The following RAI1 variants were observed in gnomAD, a reference collection of about 807,000 sequenced individuals.
RAI1 encodes the protein retinoic acid-induced protein 1.
Under a neutral mutation model 123.8 loss-of-function variants are expected in RAI1, and 9 were observed. The ratio of observed to expected loss-of-function variants is 0.07; its 90% CI spans 0.04 to 0.13. The LOEUF (loss-of-function observed/expected upper bound fraction) is 0.13, where lower values mean the gene tolerates loss of function less well. Among genes scored for constraint, RAI1 ranks in the 10% least tolerant of loss-of-function variants. The pLI is 1.00. For missense variants in RAI1, 2,256 were observed against 2,545.8 expected, an observed-to-expected ratio of 0.89 and a Z score of 2.45; for synonymous variants, 1,231 against 1,127.3, an observed-to-expected ratio of 1.09 and a Z score of -1.84.
chr17:17,773,390 T>G (rs535084681), intron 2 of RAI1, among the ~76,000 whole-genome samples: 1 of 152,242 alleles, frequency 6.6e-6, no homozygotes, highest in South Asian at 2.1e-4. Flanking sequence ...GCCCAAGGGC[T>G]CCCTTCTTCA....
Position 17,795,340 on chromosome 17 carries a change from C to A in RAI1, c.2392C>A (p.Pro798Thr), listed in dbSNP as rs148947371. 4 of 1,600,308 alleles carry A rather than the reference C, an allele frequency of 2.5e-6. No individual in the cohort carries two copies. The highest frequency in any genetic ancestry group is 1.3e-5 in the African/African-American group (1 of 74,548). Residue 798 changes from proline (P) to threonine (T), a missense_variant, in exon 3 of 6, where the codon CCC becomes ACC. Around this residue, in one of 7 missense-constraint regions of RAI1, gnomAD observed 566 missense variants for 616.0 expected, o/e 0.92. Coordinates refer to ENST00000353383, the MANE Select transcript of RAI1 (RefSeq NM_030665.4). The surrounding 1 kb of genome is among the most constrained non-coding windows in gnomAD (Gnocchi z 5.9). ...SACLGFQEED[P>T]PGEKVASLPG... Reference sequence around the variant, plus strand: ...CTGCCTGGGCTTCCAGGAGGAGGACCCCCCTGGGGAGAAGGTGGCCTCGTT... The same window carrying A: ...CTGCCTGGGCTTCCAGGAGGAGGACACCCCTGGGGAGAAGGTGGCCTCGTT...
intron 2 of RAI1, among the ~76,000 whole-genome samples, chr17:17,774,169 T>C (rs907311699): frequency 1.5e-4 from 23 of 152,224 alleles, no homozygotes; most frequent in African/African-American, 4.8e-4. Flanking sequence ...CCGAGGATGC[T>C]GATGACAAAG....
intron 3 of RAI1, 62 bp downstream of exon 3, chr17:17,798,575 G>A: frequency 6.3e-7 from 1 of 1,586,612 alleles, no homozygotes. Flanking sequence ...CAGGCAGGCA[G>A]TCGGGGAGCC....
intron 2 of RAI1, among the ~76,000 whole-genome samples, chr17:17,724,604 C>T (rs1206598157): frequency 6.6e-6 from 1 of 151,924 alleles, no homozygotes; most frequent in Non-Finnish European, 1.5e-5. Flanking sequence ...GAGTTCTGTT[C>T]AAGTTCGCAA....
intron 2 of RAI1, among the ~76,000 whole-genome samples, chr17:17,752,887 C>T (rs184043715): frequency 3.2e-4 from 48 of 152,374 alleles, no homozygotes; most frequent in Non-Finnish European, 1.5e-4. Context: ...CCTCATCACA[C>T]GTGTGCCTCA....
chr17:17,684,947 A>C (rs564392516), intron 1 of RAI1: 1 of 152,238 alleles, frequency 6.6e-6, no homozygotes, highest in South Asian at 2.1e-4. Flanking sequence ...CAATCAGGAG[A>C]ATAACAGTAC....
intron 2 of RAI1, among the ~76,000 whole-genome samples, chr17:17,738,790 A>G (rs192184766): frequency 6.6e-6 from 1 of 152,168 alleles, no homozygotes; most frequent in Non-Finnish European, 1.5e-5. Context: ...TCTGGGTGTC[A>G]GTCTTCTCCA....
intron 2 of RAI1, among the ~76,000 whole-genome samples, chr17:17,760,457 G>C (rs1025904071): frequency 1.3e-5 from 2 of 152,160 alleles, no homozygotes; most frequent in African/African-American, 4.8e-5. Flanking sequence ...CAGTGTCCCT[G>C]GCCTGGGAAC....
chr17:17,745,212 A>G (rs1433008742), intron 2 of RAI1, among the ~76,000 whole-genome samples: 1 of 152,102 alleles, frequency 6.6e-6, no homozygotes, highest in Non-Finnish European at 1.5e-5. Context: ...TTTAGGTAGA[A>G]GAAAGGAGAG....
At chr17:17,776,332 A>C (rs1433912184) in intron 2 of RAI1, among the ~76,000 whole-genome samples, 2 of 152,246 alleles carry the variant, frequency 1.3e-5, no homozygotes, top group Non-Finnish European at 2.9e-5. Context: ...CTCATGGTAG[A>C]AAAATTCAAA....
chr17:17,728,301 AGGGGTGG>A (rs1378186716), intron 2 of RAI1, among the ~76,000 whole-genome samples: 1 of 147,812 alleles, frequency 6.8e-6, no homozygotes, highest in East Asian at 2.0e-4. Flanking sequence ...TTCGACAGGG[AGGGGTGG>A]GGTTGAGGGA....
In RAI1 at chr17:17,797,891, C is replaced by T. The variant is rs1388651081; in HGVS notation, c.4943C>T (p.Ser1648Phe). The T allele has an allele frequency of 6.2e-7, 1 of 1,613,878 alleles. No homozygotes were observed. The highest frequency in any genetic ancestry group is 1.3e-5 in the African/African-American group (1 of 74,896). The change falls in exon 3 of 6, where the codon TCC becomes TTC. Residue 1648 changes from serine (S) to phenylalanine (F), a missense_variant. Physicochemically the swap from Ser to Phe is radical, Grantham distance 155. Around this residue, in one of 7 missense-constraint regions of RAI1, gnomAD observed 410 missense variants for 374.6 expected, o/e 1.09. Transcript: ENST00000353383. ...TTCTCCTTGGATGCAGCCGGGGCCTCCCTGGCCACACTCCCTGGAGGCTCC... is the reference window on the plus strand; with the variant it reads ...TTCTCCTTGGATGCAGCCGGGGCCTTCCTGGCCACACTCCCTGGAGGCTCC... ...SSFSLDAAGA[S>F]LATLPGGSIL... is the part of the protein sequence containing the mutation.
At position 17,808,386 on chromosome 17, in the gene RAI1, A is replaced by G. The variant is rs565480653; in HGVS notation, c.5660-1004A>G. Reference sequence around the variant, plus strand: ...TTTATTTTATTTTATATTTTATTTTATTATTTTATTTTATTTTATTTTATT... The same window carrying G: ...TTTATTTTATTTTATATTTTATTTTGTTATTTTATTTTATTTTATTTTATT... On this transcript the variant is annotated intron_variant, in intron 4 of 5. Transcript: ENST00000353383. Among the ~76,000 whole-genome samples the G allele has an allele frequency of 6.3e-3, 823 of 129,924 alleles. 10 individuals are homozygous for G. Among genetic ancestry groups the G allele is most frequent in the African/African-American group, 0.024 (727 of 29,942 alleles). The allele number at this position is 129,924 out of a possible 152,430, so 85.2% of individuals were successfully genotyped here.
chr17:17,690,288 G>A (rs1330935899), intron 1 of RAI1, among the ~76,000 whole-genome samples: 2 of 151,920 alleles, frequency 1.3e-5, no homozygotes, highest in African/African-American at 4.8e-5. Flanking sequence ...TCAGGAGGCT[G>A]AGGCAGGAGA....
chr17:17,686,981 T>C (rs1461477371), intron 1 of RAI1, among the ~76,000 whole-genome samples: 3 of 152,036 alleles, frequency 2.0e-5, no homozygotes, highest in Non-Finnish European at 2.9e-5. Context: ...ACAATGAGCA[T>C]CCGGTTTCTT....
intron 2 of RAI1, among the ~76,000 whole-genome samples, chr17:17,750,976 C>T (rs1331524813): frequency 6.6e-6 from 1 of 152,202 alleles, no homozygotes; most frequent in Non-Finnish European, 1.5e-5. Flanking sequence ...ATTTGGAGGG[C>T]ATCTGTTTCC....
intron 2 of RAI1, among the ~76,000 whole-genome samples, chr17:17,787,864 A>G (rs1047105056): frequency 1.3e-5 from 2 of 152,166 alleles, no homozygotes; most frequent in Non-Finnish European, 2.9e-5. Context: ...CTGGCTTAGC[A>G]GGTCTCAGCT....
chr17:17,735,515 G>A (rs150700430), intron 2 of RAI1, among the ~76,000 whole-genome samples: 4,678 of 150,680 alleles, frequency 0.031, 90 homozygotes, highest in Non-Finnish European at 0.046. Flanking sequence ...CACCACGCCC[G>A]GCTGATTTTT....
intron 1 of RAI1, among the ~76,000 whole-genome samples, chr17:17,693,549 T>C (rs1490482360): frequency 6.6e-6 from 1 of 152,188 alleles, no homozygotes; most frequent in Non-Finnish European, 1.5e-5. Flanking sequence ...AGGAGCCCCT[T>C]GCACTGGGGA....
Sources: allele counts gnomAD v4.1 joint callset (sites outside exome capture counted in the v4.1 genomes callset), GRCh38; gene constraint gnomAD v4.1.1; regional missense constraint gnomAD v4.1.1; non-coding constraint Gnocchi (gnomAD v3.1); transcripts MANE v1.5; gene names NCBI Gene and HGNC (gene_info 2026-07-23, HGNC 2026-07-21).